ADGRL3: variants seen among roughly 807,000 people sequenced by gnomAD.
The protein encoded by ADGRL3 is adhesion G protein-coupled receptor L3.
A neutral mutation model predicts 153.5 loss-of-function variants in ADGRL3; 62 were observed. The observed-to-expected ratio is 0.40, with a 90% confidence interval of 0.33 to 0.50. ADGRL3 has a LOEUF of 0.50. ADGRL3 is among the 20% of genes least tolerant of loss of function. The pLI is 0.47. For missense variants in ADGRL3, 1,641 were observed against 1,859.4 expected (o/e 0.88, Z 2.16); for synonymous variants, 710 against 672.5 (o/e 1.06, Z -0.86).
chr4:61,574,022 T>A (rs546058875), intron 4 of ADGRL3, among the ~76,000 whole-genome samples: 1 of 152,120 alleles, frequency 6.6e-6, no homozygotes, highest in African/African-American at 2.4e-5. Flanking sequence ...TTTTTAAAAT[T>A]GTTTGATTAA....
intron 1 of ADGRL3, among the ~76,000 whole-genome samples, chr4:61,343,601 G>C (rs1358591858): frequency 1.3e-5 from 2 of 152,016 alleles, no homozygotes; most frequent in Non-Finnish European, 2.9e-5. Context: ...TTGGACTAGG[G>C]CATCATATTC....
chr4:61,301,532 C>T (rs1460485256), intron 1 of ADGRL3, among the ~76,000 whole-genome samples: 1 of 152,162 alleles, frequency 6.6e-6, no homozygotes, highest in African/African-American at 2.4e-5. Flanking sequence ...GCTGGAAGTT[C>T]CTGCCAGTAG....
At chr4:61,378,016 T>C (rs986362372) in intron 1 of ADGRL3, among the ~76,000 whole-genome samples, 11 of 152,094 alleles carry the variant, frequency 7.2e-5, no homozygotes, top group African/African-American at 2.4e-4. Context: ...TTTTTCTTTT[T>C]ATTTCTAATT....
chr4:61,819,296 ATCTC>A (rs2097723905), intron 9 of ADGRL3, among the ~76,000 whole-genome samples: 1 of 152,116 alleles, frequency 6.6e-6, no homozygotes, highest in East Asian at 1.9e-4. Flanking sequence ...TTGAAATTCT[ATCTC>A]CAGTAATTTT....
rs370416762 is a variant in ADGRL3 at position 61,473,844 on chromosome 4, T to A, written c.-173-23277T>A. Among the ~76,000 whole-genome samples the A allele has an allele frequency of 1.3e-4, 20 of 152,264 alleles. No homozygotes were observed. In the East Asian group the frequency reaches 3.3e-3, roughly 25 times the overall value. Reference sequence around the variant, plus strand: ...AGACATTTATTGACTGTCTGTTAGATGCCAAGTCTTGTGCTAGTTGATGGA... The same window carrying A: ...AGACATTTATTGACTGTCTGTTAGAAGCCAAGTCTTGTGCTAGTTGATGGA... On this transcript the variant is annotated intron_variant, in intron 2 of 26. Coordinates refer to ENST00000683033, the MANE Select transcript of ADGRL3 (RefSeq NM_001387552.1).
chr4:61,643,295 A>G (rs373460161), intron 5 of ADGRL3, among the ~76,000 whole-genome samples: 62 of 151,834 alleles, frequency 4.1e-4, no homozygotes, highest in African/African-American at 1.4e-3. Context: ...TCTCCTGCCT[A>G]ATTGCCCTGG....
At position 61,561,433 on chromosome 4, in the gene ADGRL3, ACAAAGCTTCTCTGTTTCCTGAC is replaced by A. The variant is rs2098794683; in HGVS notation, c.260-25784_260-25763del. Among the ~76,000 whole-genome samples the A allele has an allele frequency of 3.3e-5, 5 of 152,288 alleles. No homozygotes were observed. The South Asian group carries it at 1.0e-3, about 32-fold the overall frequency. On this transcript the variant is annotated intron_variant, in intron 4 of 26. Coordinates refer to ENST00000683033, the MANE Select transcript of ADGRL3 (RefSeq NM_001387552.1). ...TACACTAGAATCTTTATGTTTCCTG[ACAAAGCTTCTCTGTTTCCTGAC>A]CAAAGCTTCCAGGAAGAAAAATAAG...
intron 11 of ADGRL3, 68 bp downstream of exon 11, chr4:61,895,902 G>T: frequency 1.2e-6 from 1 of 827,726 alleles, no homozygotes. Context: ...GATAGCTGTT[G>T]GAAAAAAAAC....
intron 6 of ADGRL3, among the ~76,000 whole-genome samples, chr4:61,680,800 C>G (rs557177254): frequency 6.6e-6 from 1 of 151,990 alleles, no homozygotes; most frequent in South Asian, 2.1e-4. Context: ...GTGTTTTGTA[C>G]TTATTTTTCC....
intron 4 of ADGRL3, among the ~76,000 whole-genome samples, chr4:61,554,470 A>G (rs2098756288): frequency 1.3e-5 from 2 of 152,088 alleles, no homozygotes; most frequent in Admixed American, 6.6e-5. Context: ...TGCTGGTATT[A>G]TAGGTGTGAG....
chr4:61,768,213 C>G (rs534450062), intron 8 of ADGRL3, among the ~76,000 whole-genome samples: 59 of 151,816 alleles, frequency 3.9e-4, no homozygotes, highest in East Asian at 1.4e-3. Flanking sequence ...CTGGGCAGGT[C>G]GGGGAGGGCT....
intron 8 of ADGRL3, among the ~76,000 whole-genome samples, chr4:61,761,231 G>A (rs1276735832): frequency 1.3e-5 from 2 of 152,188 alleles, no homozygotes; most frequent in Non-Finnish European, 2.9e-5. Flanking sequence ...TGGCTAATTT[G>A]TTAGTCCTAC....
At chr4:61,240,362 A>T (rs1196807779) in intron 1 of ADGRL3, among the ~76,000 whole-genome samples, 1 of 152,230 alleles carries the variant, frequency 6.6e-6, no homozygotes, top group East Asian at 1.9e-4. Context: ...CCAACATATG[A>T]ATTTTGGGGT....
intron 13 of ADGRL3, among the ~76,000 whole-genome samples, chr4:61,932,696 G>A (rs1178538950): frequency 6.6e-6 from 1 of 152,080 alleles, no homozygotes; most frequent in Non-Finnish European, 1.5e-5. Flanking sequence ...AAGGTGTTTG[G>A]AAGTGTCCCC....
intron 5 of ADGRL3, among the ~76,000 whole-genome samples, chr4:61,619,016 T>TC (rs1393314393): frequency 6.6e-6 from 1 of 152,186 alleles, no homozygotes; most frequent in African/African-American, 2.4e-5. Context: ...CCATGCCAGG[T>TC]CCCAAGTTTG....
rs75434158 is a variant in ADGRL3, at chr4:61,452,494, C to T, written c.-173-44627C>T. 7.9e-5 allele frequency among the ~76,000 whole-genome samples: 12 copies of T among 152,268 alleles called. No individual in the cohort carries two copies. In the East Asian group the frequency reaches 2.3e-3, roughly 29 times the overall value. ...AATCTTGCAGATATTGTCTCAGTTT[C>T]TGTTGATTTCTGAAACAGGAAGGCA... On this transcript the variant is annotated intron_variant, in intron 2 of 26. Coordinates refer to ENST00000683033, the MANE Select transcript of ADGRL3 (RefSeq NM_001387552.1).
At chr4:61,725,966 A>G (rs981892441) in intron 6 of ADGRL3, among the ~76,000 whole-genome samples, 2 of 151,512 alleles carry the variant, frequency 1.3e-5, no homozygotes, top group African/African-American at 4.9e-5. Flanking sequence ...TTAATACTTC[A>G]ATAATTAAAT....
At chr4:61,411,099 G>A (rs1352341764) in intron 2 of ADGRL3, among the ~76,000 whole-genome samples, 1 of 152,140 alleles carries the variant, frequency 6.6e-6, no homozygotes, top group African/African-American at 2.4e-5. Flanking sequence ...TCATGCAACT[G>A]CACTTGGTCA....
At chr4:61,997,485 G>A (rs1166941404) in intron 20 of ADGRL3, among the ~76,000 whole-genome samples, 2 of 151,772 alleles carry the variant, frequency 1.3e-5, no homozygotes, top group East Asian at 3.9e-4. Context: ...TTATTGCCAA[G>A]TTGTGGAATA....
Sources: allele counts gnomAD v4.1 joint callset (sites outside exome capture counted in the v4.1 genomes callset), GRCh38; gene constraint gnomAD v4.1.1; transcripts MANE v1.5; gene names NCBI Gene and HGNC (gene_info 2026-07-23, HGNC 2026-07-21).